The following RAB3GAP2 variants were observed in gnomAD, a reference collection of about 807,000 sequenced individuals.
RAB3GAP2 encodes the protein rab3 GTPase-activating protein non-catalytic subunit.
A neutral mutation model predicts 185.3 loss-of-function variants in RAB3GAP2; 87 were observed. The observed-to-expected ratio is 0.47, with a 90% confidence interval of 0.39 to 0.56. The LOEUF is 0.56. RAB3GAP2 is among the 20% of genes least tolerant of loss of function. The pLI is 0.00. For synonymous variants in RAB3GAP2, 554 were observed against 576.1 expected (o/e 0.96, Z 0.55); for missense variants, 1,492 against 1,638.2 (o/e 0.91, Z 1.54).
intron 17 of RAB3GAP2, among the ~76,000 whole-genome samples, chr1:220,187,944 G>A (rs893496916): frequency 2.0e-5 from 3 of 151,982 alleles, no homozygotes; most frequent in Admixed American, 6.6e-5. Context: ...ACTTGTGACT[G>A]GTACCTGAAG....
chr1:220,242,785 A>G (rs1659720072), intron 1 of RAB3GAP2, among the ~76,000 whole-genome samples: 1 of 152,154 alleles, frequency 6.6e-6, no homozygotes, highest in Non-Finnish European at 1.5e-5. Flanking sequence ...GTAATCATCT[A>G]TTTTTCCAAA....
chr1:220,244,020 T>C (rs529116001), intron 1 of RAB3GAP2, among the ~76,000 whole-genome samples: 1 of 152,286 alleles, frequency 6.6e-6, no homozygotes, highest in South Asian at 2.1e-4. Context: ...AGGCAACTTT[T>C]ACCACTTCTA....
At chr1:220,164,582 C>G in intron 27 of RAB3GAP2, 151 bp downstream of exon 27, 1 of 1,110,400 alleles carries the variant, frequency 9.0e-7, no homozygotes, top group Non-Finnish European at 1.3e-6. Flanking sequence ...TCAAGAGACC[C>G]TTGCACCTCA....
At chr1:220,195,958 C>T (rs186806124) in intron 10 of RAB3GAP2, among the ~76,000 whole-genome samples, 10 of 152,258 alleles carry the variant, frequency 6.6e-5, no homozygotes, top group Admixed American at 2.0e-4. Context: ...GGGCTGGCAT[C>T]ATTAACAAGC....
At chr1:220,244,133 G>A (rs1357066737) in intron 1 of RAB3GAP2, among the ~76,000 whole-genome samples, 1 of 152,158 alleles carries the variant, frequency 6.6e-6, no homozygotes, top group Admixed American at 6.5e-5. Context: ...GCTGTTCACT[G>A]ATGATATGAT....
At chr1:220,257,420 T>A (rs1364766936) in intron 1 of RAB3GAP2, among the ~76,000 whole-genome samples, 1 of 150,814 alleles carries the variant, frequency 6.6e-6, no homozygotes, top group Non-Finnish European at 1.5e-5. Flanking sequence ...AAGAAAGAAA[T>A]TCACTCAAAA....
At chr1:220,198,913 G>C (rs1211918188) in intron 9 of RAB3GAP2, among the ~76,000 whole-genome samples, 1 of 152,128 alleles carries the variant, frequency 6.6e-6, no homozygotes, top group East Asian at 1.9e-4. Context: ...GATATATAAG[G>C]AGACCTGAGT....
chr1:220,155,654 C>T (rs1657843649), intron 31 of RAB3GAP2, among the ~76,000 whole-genome samples: 1 of 152,152 alleles, frequency 6.6e-6, no homozygotes, highest in Admixed American at 6.5e-5. Flanking sequence ...GTAAGAAAAT[C>T]TAAATAATTC....
intron 8 of RAB3GAP2, among the ~76,000 whole-genome samples, chr1:220,205,666 T>A (rs756054517): frequency 6.6e-6 from 1 of 152,182 alleles, no homozygotes; most frequent in African/African-American, 2.4e-5. Context: ...AAGCCCGGTG[T>A]TCCTGTGCTG....
At chr1:220,269,962 T>C (rs1660304999) in intron 1 of RAB3GAP2, among the ~76,000 whole-genome samples, 1 of 152,184 alleles carries the variant, frequency 6.6e-6, no homozygotes, top group Non-Finnish European at 1.5e-5. Context: ...CTGCTATCCT[T>C]CACAGCCAAG....
At chr1:220,210,346 A>G in intron 7 of RAB3GAP2, 42 bp downstream of exon 7, 1 of 1,439,066 alleles carries the variant, frequency 6.9e-7, no homozygotes, top group Non-Finnish European at 9.8e-7. Context: ...CTGCTTCAAA[A>G]TAATGCCACT....
rs1200803655 is a variant in RAB3GAP2, at chr1:220,205,901, T to C, written c.712+6A>G. 6.4e-7 allele frequency: 1 copy of C among 1,572,780 alleles called. No homozygotes were observed. The highest frequency in any genetic ancestry group is 1.4e-5 in the African/African-American group (1 of 73,934). ...AGAGGTTAAATATTTCTTGCCAAAATATTACCTTTTGCTACCTGATTTCGA... is the reference window on the plus strand; with the variant it reads ...AGAGGTTAAATATTTCTTGCCAAAACATTACCTTTTGCTACCTGATTTCGA... On this transcript the variant is annotated splice_donor_region_variant and intron_variant, in intron 8 of 34. Coordinates refer to ENST00000358951, the MANE Select transcript of RAB3GAP2 (RefSeq NM_012414.4).
At chr1:220,174,181 A>C (rs983717628) in intron 21 of RAB3GAP2, among the ~76,000 whole-genome samples, 1 of 151,984 alleles carries the variant, frequency 6.6e-6, no homozygotes, top group African/African-American at 2.4e-5. Context: ...AAATGTTCAC[A>C]TGTGTATGAG....
intron 27 of RAB3GAP2, among the ~76,000 whole-genome samples, chr1:220,163,572 C>G (rs1332939199): frequency 6.6e-6 from 1 of 151,068 alleles, no homozygotes; most frequent in Non-Finnish European, 1.5e-5. Context: ...CCATGTTAGC[C>G]AGGATGGTCT....
At chr1:220,266,321 G>A in intron 1 of RAB3GAP2, 1 of 308,640 alleles carries the variant, frequency 3.2e-6, no homozygotes, top group South Asian at 4.2e-5. Flanking sequence ...TCAGGTACTT[G>A]GAAGGTTATT....
In RAB3GAP2 at chr1:220,150,452, T is replaced by C. The variant is rs1178053251; in HGVS notation, c.*799A>G. On this transcript the variant is annotated 3_prime_UTR_variant, in exon 35 of 35. Coordinates refer to ENST00000358951, the MANE Select transcript of RAB3GAP2 (RefSeq NM_012414.4). ...ACTTAAAATTTTTAGTATCTTTGCC[T>C]TTTTTTTTTTTTTTTTTTTACATAA... is the stretch of plus-strand genomic sequence containing the variant. The C allele has an allele frequency of 1.2e-5, 1 of 84,012 alleles. No individual in the cohort carries two copies. Among genetic ancestry groups the C allele is most frequent in the African/African-American group, 6.1e-5 (1 of 16,464 alleles). The allele number at this position is 84,012 out of a possible 1,614,324, so 5.2% of individuals were successfully genotyped here.
intron 2 of RAB3GAP2, among the ~76,000 whole-genome samples, chr1:220,224,064 GGA>G (rs1225786175): frequency 6.6e-6 from 1 of 150,928 alleles, no homozygotes; most frequent in East Asian, 1.9e-4. Context: ...TTATTCTGAT[GGA>G]ATAAGGCTAG....
chr1:220,164,473 GT>G lies in RAB3GAP2; in HGVS notation c.3154+259del, dbSNP rs35024056. On this transcript the variant is annotated intron_variant, in intron 27 of 34. Coordinates refer to ENST00000358951, the MANE Select transcript of RAB3GAP2 (RefSeq NM_012414.4). ...TTTTTTTTGTTTTGTTTTTTGTTTT[GT>G]TTTTTTTTTTTTTTTTTTAGAGACA... is the stretch of plus-strand genomic sequence containing the variant. 0.3 allele frequency among the ~76,000 whole-genome samples: 32,112 copies of G among 105,504 alleles called. 2,965 individuals carry two copies. The highest frequency in any genetic ancestry group is 0.39 in the East Asian group (1,404 of 3,582). 69.2% of individuals were successfully genotyped at this position (105,504 alleles called of 152,430 possible). A position where few individuals can be genotyped will look rare whatever the true frequency, so the allele number is the denominator to read the frequency against.
intron 15 of RAB3GAP2, 23 bp downstream of exon 15, chr1:220,190,354 C>T (rs770981231): frequency 1.9e-6 from 3 of 1,613,822 alleles, no homozygotes; most frequent in African/African-American, 2.7e-5. Flanking sequence ...GAGCGTCAAT[C>T]AGCAACACTG....
Sources: allele counts gnomAD v4.1 joint callset (sites outside exome capture counted in the v4.1 genomes callset), GRCh38; gene constraint gnomAD v4.1.1; transcripts MANE v1.5; gene names NCBI Gene and HGNC (gene_info 2026-07-23, HGNC 2026-07-21).